The following ASIC1 variants were observed in gnomAD, a reference collection of about 807,000 sequenced individuals.
The protein encoded by ASIC1 is acid-sensing ion channel 1.
A neutral mutation model predicts 63.4 loss-of-function variants in ASIC1; 21 were observed. The observed-to-expected ratio is 0.33, with a 90% CI of 0.23 to 0.48. The LOEUF is 0.48. Among genes scored for constraint, ASIC1 ranks in the 20% least tolerant of loss-of-function variants. The pLI, the probability that ASIC1 is intolerant of heterozygous loss-of-function variation, is 0.99. For missense variants in ASIC1, 478 were observed against 695.5 expected, an observed-to-expected ratio of 0.69 and a Z score of 3.52; for synonymous variants, 258 against 278.2, an observed-to-expected ratio of 0.93 and a Z score of 0.72.
At chr12:50,071,663 T>G (rs1397224545) in intron 3 of ASIC1, among the ~76,000 whole-genome samples, 2 of 151,562 alleles carry the variant, frequency 1.3e-5, no homozygotes, top group Non-Finnish European at 2.9e-5. Context: ...TTTACTTTTT[T>G]GAGATGGAGC....
At chr12:50,077,052 G>T in intron 3 of ASIC1, 161 bp from the exon 4 acceptor site, 1 of 1,204,636 alleles carries the variant, frequency 8.3e-7, no homozygotes, top group South Asian at 1.2e-5. Flanking sequence ...AAGAAAGGGT[G>T]AGAAACAGGT....
intron 3 of ASIC1, among the ~76,000 whole-genome samples, chr12:50,071,575 C>T (rs1950600433): frequency 6.6e-6 from 1 of 152,136 alleles, no homozygotes; most frequent in Admixed American, 6.5e-5. Context: ...AGCCACCACG[C>T]CTGGCTGCTT....
At chr12:50,061,770 A>G (rs1950503087) in intron 3 of ASIC1, among the ~76,000 whole-genome samples, 1 of 152,192 alleles carries the variant, frequency 6.6e-6, no homozygotes, top group African/African-American at 2.4e-5. Flanking sequence ...GAAAGATTCC[A>G]AGTGGTGATG....
chr12:50,073,956 C>A (rs752788063), intron 3 of ASIC1: 8 of 1,535,868 alleles, frequency 5.2e-6, no homozygotes, highest in Non-Finnish European at 7.0e-6. Flanking sequence ...CCCTTCTAAA[C>A]GAAGTGGCCA....
chr12:50,064,646 A>G (rs1015854002), intron 3 of ASIC1, among the ~76,000 whole-genome samples: 5 of 152,032 alleles, frequency 3.3e-5, no homozygotes, highest in Non-Finnish European at 7.4e-5. Flanking sequence ...CTGGTGGAGA[A>G]CTCCTGGATA....
intron 7 of ASIC1, among the ~76,000 whole-genome samples, chr12:50,079,210 G>A (rs535270570): frequency 7.9e-5 from 12 of 152,120 alleles, no homozygotes; most frequent in East Asian, 3.9e-4. Flanking sequence ...CCAGGAGTTC[G>A]AGACCAGCCT....
At chr12:50,067,245 T>C (rs767449901) in intron 3 of ASIC1, among the ~76,000 whole-genome samples, 19 of 152,170 alleles carry the variant, frequency 1.2e-4, no homozygotes, top group Non-Finnish European at 2.4e-4. Flanking sequence ...CACTTTCTGA[T>C]CCACTCCAGG....
chr12:50,066,781 C>T (rs1330299847), intron 3 of ASIC1, among the ~76,000 whole-genome samples: 1 of 152,200 alleles, frequency 6.6e-6, no homozygotes, highest in East Asian at 1.9e-4. Context: ...CAGCGGATGA[C>T]CTTGGCTACC....
At position 50,059,723 on chromosome 12, in the gene ASIC1, G is replaced by C; in HGVS notation, c.363-36G>C. On this transcript the variant is annotated intron_variant, in intron 2 of 11. Transcript: ENST00000447966. The surrounding 1 kb of genome is among the most constrained non-coding windows in gnomAD (Gnocchi z 4.6). Reference sequence around the variant, plus strand: ...AGTTGGGTGCAGGACACTGATGACTGTACTGACCCGTGTGTCACTCACCCC... The same window carrying C: ...AGTTGGGTGCAGGACACTGATGACTCTACTGACCCGTGTGTCACTCACCCC... 1 of 1,597,628 alleles carries C rather than the reference G, an allele frequency of 6.3e-7. No homozygotes were observed. Among genetic ancestry groups the C allele is most frequent in the Non-Finnish European group, 8.5e-7 (1 of 1,171,514 alleles).
intron 3 of ASIC1, among the ~76,000 whole-genome samples, chr12:50,068,769 T>A (rs893037992): frequency 6.6e-6 from 1 of 151,798 alleles, no homozygotes; most frequent in Non-Finnish European, 1.5e-5. Flanking sequence ...AAATCATCCC[T>A]GACACTCCAT....
Position 50,074,104 on chromosome 12 carries a change from G to T in ASIC1, c.559-3109G>T, listed in dbSNP as rs994510362. The T allele has an allele frequency of 6.5e-7, 1 of 1,535,422 alleles. No individual in the cohort carries two copies. The highest frequency in any genetic ancestry group is 1.4e-5 in the African/African-American group (1 of 72,988). On this transcript the variant is annotated intron_variant, in intron 3 of 11. Transcript: ENST00000447966. This position sits in a 1 kb window ranked among gnomAD's most constrained non-coding sequence, Gnocchi z 4.2. ...AAGTGATGACCCCGGGGTGCCCCTCGCTCCACCGGGCCCTGAGGCCTTCTC... is the reference window on the plus strand; with the variant it reads ...AAGTGATGACCCCGGGGTGCCCCTCTCTCCACCGGGCCCTGAGGCCTTCTC...
Position 50,074,253 on chromosome 12 carries a change from A to C in ASIC1, c.559-2960A>C. The stretch of plus-strand genomic sequence containing the variant: ...CTCACAACTTCTCAGTGGTGAGTGG[A>C]GCCCCATGCCTGCCACAGTACCCCA... On this transcript the variant is annotated intron_variant, in intron 3 of 11. Transcript: ENST00000447966. The surrounding 1 kb of genome is among the most constrained non-coding windows in gnomAD (Gnocchi z 4.2). 6.8e-7 allele frequency: 1 copy of C among 1,460,812 alleles called. No individual in the cohort carries two copies. Among genetic ancestry groups the C allele is most frequent in the Non-Finnish European group, 9.0e-7 (1 of 1,108,230 alleles). 90.5% of individuals were successfully genotyped at this position (1,460,812 alleles called of 1,614,324 possible).
rs749718017 is a variant in ASIC1, at chr12:50,077,352, G to C, written c.698G>C (p.Trp233Ser). The C allele has an allele frequency of 4.6e-5, 75 of 1,614,016 alleles. No homozygotes were observed. Among genetic ancestry groups the C allele is most frequent in the Non-Finnish European group, 6.1e-5 (72 of 1,180,010 alleles). ...DIQQDEYLPVWGETDETSFEA... is the reference protein window; with the variant it reads ...DIQQDEYLPVSGETDETSFEA... ...CAGCAGGACGAGTACCTGCCTGTGT[G>C]GGGGGAGACTGGTACGTCACCCACT... Residue 233 changes from tryptophan to serine, a missense_variant, in exon 4 of 12, where the codon TGG (tryptophan) becomes TCG (serine). Trp to Ser is a radical substitution (Grantham distance 177). Around this residue, in one of 3 missense-constraint regions of ASIC1, gnomAD observed 290 missense variants for 414.9 expected, o/e 0.70. Transcript: ENST00000447966.
chr12:50,067,554 G>A (rs1950557846), intron 3 of ASIC1, among the ~76,000 whole-genome samples: 1 of 152,010 alleles, frequency 6.6e-6, no homozygotes. Context: ...GATTACAGAT[G>A]CGTGCCACCA....
At chr12:50,061,147 A>G (rs138353994) in intron 3 of ASIC1, among the ~76,000 whole-genome samples, 2 of 152,214 alleles carry the variant, frequency 1.3e-5, no homozygotes, top group East Asian at 3.9e-4. Context: ...ATGCCTACTC[A>G]GCTCTTGGAT....
At chr12:50,073,581 GA>G in intron 3 of ASIC1, 2 of 1,510,470 alleles carry the variant, frequency 1.3e-6, no homozygotes, top group Non-Finnish European at 1.8e-6. Flanking sequence ...AGCCCCTGGA[GA>G]AAATGCCCAT....
intron 1 of ASIC1, 95 bp downstream of exon 1, chr12:50,058,011 G>T (rs1235280456): frequency 6.6e-6 from 1 of 152,100 alleles, no homozygotes; most frequent in Admixed American, 6.6e-5. Flanking sequence ...CTGCTGGGGC[G>T]GCTCGGTGGC....
At chr12:50,069,029 T>C (rs995565288) in intron 3 of ASIC1, among the ~76,000 whole-genome samples, 3 of 152,190 alleles carry the variant, frequency 2.0e-5, no homozygotes, top group African/African-American at 7.2e-5. Context: ...ATCCTCACCG[T>C]GGCCTTTAAG....
At chr12:50,080,743 A>C in intron 9 of ASIC1, 154 bp downstream of exon 9, 1 of 1,601,946 alleles carries the variant, frequency 6.2e-7, no homozygotes, top group Non-Finnish European at 8.5e-7. Flanking sequence ...TGGTGAGGGA[A>C]GGGAACTGAG....
Sources: gnomAD v4.1 joint callset for allele counts (sites outside exome capture counted in the v4.1 genomes callset) on GRCh38, gnomAD v4.1.1 for gene constraint, gnomAD v4.1.1 regional missense constraint, Gnocchi (gnomAD v3.1) non-coding constraint, MANE v1.5 for transcripts, NCBI Gene and HGNC (gene_info 2026-07-23, HGNC 2026-07-21) for gene names.